Variants in DPP10 observed in about 807,000 individuals in gnomAD.
DPP10 encodes dipeptidyl peptidase like 10.
DPP10 carries 33 observed loss-of-function variants against 120.9 expected under a neutral mutation model. That is an observed-to-expected ratio of 0.27 (90% CI 0.21 to 0.37). DPP10 has a LOEUF of 0.37. DPP10 is among the 10% of genes least tolerant of loss of function. The probability of loss-of-function intolerance (pLI) is 1.00; values close to 1 mark genes in which losing one functional copy is unlikely to be tolerated. For missense variants in DPP10, 816 were observed against 942.8 expected, an observed-to-expected ratio of 0.87 and a Z score of 1.76; for synonymous variants, 337 against 326.1, an observed-to-expected ratio of 1.03 and a Z score of -0.36.
intron 1 of DPP10, among the ~76,000 whole-genome samples, chr2:115,233,204 G>T (rs2057825928): frequency 9.4e-6 from 1 of 106,918 alleles, no homozygotes; most frequent in South Asian, 3.6e-4. Context: ...AATTGTGTAG[G>T]TATATTGAGT....
intron 1 of DPP10, among the ~76,000 whole-genome samples, chr2:114,545,405 G>A (rs1687311881): frequency 6.6e-6 from 1 of 152,100 alleles, no homozygotes; most frequent in African/African-American, 2.4e-5. Context: ...ACAGATGGCT[G>A]GCTTCCTAGT....
At chr2:115,141,015 T>A (rs2050900800) in intron 1 of DPP10, among the ~76,000 whole-genome samples, 1 of 151,788 alleles carries the variant, frequency 6.6e-6, no homozygotes, top group Non-Finnish European at 1.5e-5. Flanking sequence ...GTTTGTGAAT[T>A]TCCTCCAGTG....
At chr2:115,670,275 G>C (rs1470948053) in intron 5 of DPP10, among the ~76,000 whole-genome samples, 1 of 152,034 alleles carries the variant, frequency 6.6e-6, no homozygotes, top group African/African-American at 2.4e-5. Flanking sequence ...TGGATGGAGA[G>C]GACACAACAT....
intron 10 of DPP10, chr2:115,750,298 G>A: frequency 4.2e-6 from 3 of 720,970 alleles, no homozygotes; most frequent in Non-Finnish European, 5.1e-6. Context: ...TAGGCTCCTG[G>A]GGCAAGGAAA....
intron 3 of DPP10, among the ~76,000 whole-genome samples, chr2:115,436,159 A>ATG (rs1174290841): frequency 1.3e-5 from 2 of 151,880 alleles, no homozygotes; most frequent in African/African-American, 4.8e-5. Flanking sequence ...ATGCAAAATA[A>ATG]TGTATTGGGT....
At chr2:114,940,283 C>T (rs1696794938) in intron 1 of DPP10, among the ~76,000 whole-genome samples, 2 of 152,146 alleles carry the variant, frequency 1.3e-5, no homozygotes, top group African/African-American at 4.8e-5. Context: ...GCTTACACTG[C>T]TCTTTGACAC....
rs78432779 is a variant in DPP10, at chr2:114,887,866, G to A, written c.61-421373G>A. Among the ~76,000 whole-genome samples the A allele has an allele frequency of 3.9e-4, 59 of 152,288 alleles. 2 individuals carry two copies. In the East Asian group the frequency reaches 7.0e-3, roughly 18 times the overall value. On this transcript the variant is annotated intron_variant, in intron 1 of 25. Transcript: ENST00000410059. ...AGAAAATGAGTATCATGGGTTAGGC[G>A]AGGTGGCTCACGCCTGTTATTCCCG...
chr2:115,504,077 C>G (rs773243802), intron 4 of DPP10, among the ~76,000 whole-genome samples: 1 of 152,004 alleles, frequency 6.6e-6, no homozygotes, highest in Admixed American at 6.6e-5. Context: ...GTTTCAGGTA[C>G]TTTTCTTCTT....
chr2:115,359,828 A>G (rs1030356417), intron 3 of DPP10, among the ~76,000 whole-genome samples: 10 of 151,842 alleles, frequency 6.6e-5, no homozygotes, highest in Middle Eastern at 3.4e-3. Flanking sequence ...TTTAATTTAT[A>G]TTTGTCTTAC....
chr2:115,776,862 G>GT (rs5833636), intron 13 of DPP10, among the ~76,000 whole-genome samples: 1,769 of 149,564 alleles, frequency 0.012, 29 homozygotes, highest in African/African-American at 0.041. Flanking sequence ...GTTCTAAAAT[G>GT]TTTTTTTTTT....
chr2:115,067,654 G>A (rs1487029486), intron 1 of DPP10, among the ~76,000 whole-genome samples: 233 of 147,456 alleles, frequency 1.6e-3, no homozygotes, highest in African/African-American at 5.2e-3. Flanking sequence ...ACGAGGTCAG[G>A]AGATGGAGAC....
intron 3 of DPP10, among the ~76,000 whole-genome samples, chr2:115,465,708 G>C (rs1197507300): frequency 6.6e-6 from 1 of 152,116 alleles, no homozygotes; most frequent in Admixed American, 6.6e-5. Context: ...CTGTAGTCCA[G>C]CTACTCGGGA....
chr2:115,066,267 T>C (rs1706829581), intron 1 of DPP10, among the ~76,000 whole-genome samples: 1 of 152,202 alleles, frequency 6.6e-6, no homozygotes, highest in Non-Finnish European at 1.5e-5. Flanking sequence ...TGTAATTATA[T>C]GCTTTAGGAT....
At chr2:114,719,441 G>C (rs1252909420) in intron 1 of DPP10, among the ~76,000 whole-genome samples, 1 of 152,124 alleles carries the variant, frequency 6.6e-6, no homozygotes, top group Admixed American at 6.5e-5. Context: ...CCTTGCTTCT[G>C]CAGGAGTAGT....
chr2:114,990,259 G>C (rs1261342558), intron 1 of DPP10, among the ~76,000 whole-genome samples: 1 of 152,108 alleles, frequency 6.6e-6, no homozygotes, highest in Non-Finnish European at 1.5e-5. Flanking sequence ...AATAATGTAA[G>C]TTTCCAACAC....
intron 1 of DPP10, among the ~76,000 whole-genome samples, chr2:115,165,662 A>G (rs888251945): frequency 6.6e-6 from 1 of 152,206 alleles, no homozygotes; most frequent in African/African-American, 2.4e-5. Context: ...GAGTATATAT[A>G]TATTTTTAAT....
chr2:115,453,448 T>A (rs1216182773), intron 3 of DPP10, among the ~76,000 whole-genome samples: 1 of 151,606 alleles, frequency 6.6e-6, no homozygotes, highest in Non-Finnish European at 1.5e-5. Flanking sequence ...TCCTTATGAA[T>A]GAGAATATTT....
intron 1 of DPP10, among the ~76,000 whole-genome samples, chr2:114,576,968 T>C (rs956776768): frequency 2.6e-5 from 4 of 152,012 alleles, no homozygotes; most frequent in Non-Finnish European, 5.9e-5. Flanking sequence ...ACATAGTTAA[T>C]GGGTACGGCA....
intron 3 of DPP10, among the ~76,000 whole-genome samples, chr2:115,450,080 TTA>T (rs2072977047): frequency 3.9e-5 from 6 of 151,968 alleles, no homozygotes; most frequent in Admixed American, 3.9e-4. Context: ...TATGGTGAGT[TTA>T]TGTCCCAATT....
Sources: allele counts gnomAD v4.1 joint callset (sites outside exome capture counted in the v4.1 genomes callset), GRCh38; gene constraint gnomAD v4.1.1; transcripts MANE v1.5; gene names NCBI Gene and HGNC (gene_info 2026-07-23, HGNC 2026-07-21).